The following IGF2BP3 variants were observed in gnomAD, a reference collection of about 807,000 sequenced individuals.
The protein encoded by IGF2BP3 is insulin like growth factor 2 mRNA binding protein 3.
IGF2BP3 carries 9 observed loss-of-function variants against 73.8 expected under a neutral mutation model. That is an observed-to-expected ratio of 0.12 (90% CI 0.07 to 0.21). IGF2BP3 has a LOEUF of 0.21. Among genes scored for constraint, IGF2BP3 ranks in the 10% least tolerant of loss-of-function variants. The pLI is 1.00. For missense variants in IGF2BP3, 542 were observed against 714.0 expected (o/e 0.76, Z 2.75); for synonymous variants, 258 against 256.7 (o/e 1.01, Z -0.05).
intron 2 of IGF2BP3, among the ~76,000 whole-genome samples, chr7:23,440,269 CAAAAAAAA>C (rs35841355): frequency 5.6e-5 from 6 of 107,618 alleles, no homozygotes; most frequent in Admixed American, 9.7e-5. Flanking sequence ...TTAGTTATTT[CAAAAAAAA>C]AAAAAAAAAT....
chr7:23,363,099 G>A (rs931536808), intron 3 of IGF2BP3, among the ~76,000 whole-genome samples: 1 of 152,054 alleles, frequency 6.6e-6, no homozygotes, highest in Non-Finnish European at 1.5e-5. Context: ...ATGTTTTTCA[G>A]GTGCCAGGAA....
intron 5 of IGF2BP3, among the ~76,000 whole-genome samples, chr7:23,358,813 A>G (rs1431509385): frequency 6.6e-6 from 1 of 152,254 alleles, no homozygotes; most frequent in Admixed American, 6.5e-5. Context: ...AACTTTTAAA[A>G]ATACCTCATT....
intron 3 of IGF2BP3, among the ~76,000 whole-genome samples, chr7:23,418,516 T>C (rs902478008): frequency 2.0e-5 from 3 of 152,224 alleles, no homozygotes; most frequent in Non-Finnish European, 4.4e-5. Flanking sequence ...AAAATCCTGT[T>C]GGGAAGTGAC....
At chr7:23,428,032 C>T (rs1341229437) in intron 2 of IGF2BP3, among the ~76,000 whole-genome samples, 1 of 151,298 alleles carries the variant, frequency 6.6e-6, no homozygotes, top group East Asian at 2.0e-4. Context: ...AATAATTAAC[C>T]GGGTGTGGTG....
At chr7:23,393,603 T>A (rs1786354313) in intron 3 of IGF2BP3, among the ~76,000 whole-genome samples, 2 of 151,688 alleles carry the variant, frequency 1.3e-5, no homozygotes. Flanking sequence ...GTCTGGAGAG[T>A]TTCTCAGACG....
At chr7:23,385,573 C>T (rs1786056618) in intron 3 of IGF2BP3, among the ~76,000 whole-genome samples, 1 of 151,232 alleles carries the variant, frequency 6.6e-6, no homozygotes, top group African/African-American at 2.4e-5. Flanking sequence ...CCAACCTAAA[C>T]ATGACAGGAT....
At chr7:23,453,232 C>G (rs550733069) in intron 2 of IGF2BP3, among the ~76,000 whole-genome samples, 1 of 152,192 alleles carries the variant, frequency 6.6e-6, no homozygotes, top group Admixed American at 6.5e-5. Flanking sequence ...AGCACCTTGG[C>G]CTTAAAGCAC....
intron 3 of IGF2BP3, among the ~76,000 whole-genome samples, chr7:23,366,988 C>CTTTTTTTTTT (rs397942338): frequency 8.6e-6 from 1 of 116,184 alleles, no homozygotes. Flanking sequence ...TCACATTTTG[C>CTTTTTTTTTT]TTTTTTTTTT....
At chr7:23,416,683 G>A (rs934452539) in intron 3 of IGF2BP3, among the ~76,000 whole-genome samples, 1 of 152,156 alleles carries the variant, frequency 6.6e-6, no homozygotes, top group African/African-American at 2.4e-5. Flanking sequence ...TATAAAAATT[G>A]TCCAGAACTG....
chr7:23,457,882 G>C (rs1402257928), intron 2 of IGF2BP3, among the ~76,000 whole-genome samples: 1 of 152,144 alleles, frequency 6.6e-6, no homozygotes, highest in Admixed American at 6.5e-5. Context: ...TATACAATCT[G>C]TTGTATCTAT....
chr7:23,326,037 A>G (rs1029271388), intron 10 of IGF2BP3, among the ~76,000 whole-genome samples: 2 of 152,154 alleles, frequency 1.3e-5, no homozygotes, highest in African/African-American at 4.8e-5. Flanking sequence ...CACCAAAAGC[A>G]ATGGCAACAA....
intron 10 of IGF2BP3, among the ~76,000 whole-genome samples, chr7:23,332,942 T>A (rs968493847): frequency 6.6e-6 from 1 of 152,210 alleles, no homozygotes; most frequent in African/African-American, 2.4e-5. Flanking sequence ...AACAATATAC[T>A]TGGGGGAAGC....
intron 2 of IGF2BP3, among the ~76,000 whole-genome samples, chr7:23,464,124 A>G (rs1379379000): frequency 6.6e-6 from 1 of 152,214 alleles, no homozygotes; most frequent in East Asian, 1.9e-4. Flanking sequence ...AGTCGGAGGC[A>G]GCATTGAAGG....
intron 3 of IGF2BP3, among the ~76,000 whole-genome samples, chr7:23,372,108 C>G (rs1449767369): frequency 6.6e-6 from 1 of 151,312 alleles, no homozygotes; most frequent in African/African-American, 2.4e-5. Context: ...GAGTCTCACT[C>G]TGTCACCCAG....
At chr7:23,404,458 A>G (rs1786765734) in intron 3 of IGF2BP3, among the ~76,000 whole-genome samples, 1 of 152,230 alleles carries the variant, frequency 6.6e-6, no homozygotes, top group Admixed American at 6.5e-5. Flanking sequence ...AAAAAAATCC[A>G]GCAAGATGAA....
rs75958599 is a variant in IGF2BP3 at position 23,422,683 on chromosome 7, G to A, written c.237-3859C>T. ...ACATCCAACACCCATTTAATTATTG[G>A]AAGTTTGGATGTTACTCCAGAATAA... On this transcript the variant is annotated intron_variant, in intron 2 of 14. Transcript: ENST00000258729. 2.7e-3 allele frequency among the ~76,000 whole-genome samples: 417 copies of A among 152,246 alleles called. 2 individuals are homozygous for A. Among genetic ancestry groups the A allele is most frequent in the Admixed American group, 4.5e-3 (69 of 15,294 alleles).
chr7:23,342,597 C>T (rs1301810502), intron 9 of IGF2BP3, among the ~76,000 whole-genome samples: 1 of 152,144 alleles, frequency 6.6e-6, no homozygotes, highest in African/African-American at 2.4e-5. Context: ...ATTAAGAGAT[C>T]TTTACTTGCT....
intron 2 of IGF2BP3, among the ~76,000 whole-genome samples, chr7:23,448,652 G>A (rs1012447075): frequency 6.6e-6 from 1 of 151,362 alleles, no homozygotes; most frequent in Non-Finnish European, 1.5e-5. Context: ...TTTTTTTGAG[G>A]CAGAGTCTCG....
chr7:23,462,694 T>G (rs1788480108), intron 2 of IGF2BP3, among the ~76,000 whole-genome samples: 1 of 152,166 alleles, frequency 6.6e-6, no homozygotes, highest in Non-Finnish European at 1.5e-5. Context: ...TTAAACTATT[T>G]CCTAATCAAG....
Sources: allele counts gnomAD v4.1 joint callset (sites outside exome capture counted in the v4.1 genomes callset), GRCh38; gene constraint gnomAD v4.1.1; transcripts MANE v1.5; gene names NCBI Gene and HGNC (gene_info 2026-07-23, HGNC 2026-07-21).